ZNF385B: variants seen among roughly 807,000 people sequenced by gnomAD.
ZNF385B encodes the protein zinc finger protein 533.
A neutral mutation model predicts 39.2 loss-of-function variants in ZNF385B; 23 were observed. That is an observed-to-expected ratio of 0.59 (90% CI 0.42 to 0.83). The LOEUF is 0.83. ZNF385B is among the 40% of genes least tolerant of loss of function. The pLI, the probability that ZNF385B is intolerant of heterozygous loss-of-function variation, is 0.00. For missense variants in ZNF385B, 552 were observed against 598.9 expected (o/e 0.92, Z 0.82); for synonymous variants, 205 against 222.6 (o/e 0.92, Z 0.70).
chr2:179,488,656 GTT>G (rs1313528706), intron 5 of ZNF385B, among the ~76,000 whole-genome samples: 1 of 152,090 alleles, frequency 6.6e-6, no homozygotes, highest in Non-Finnish European at 1.5e-5. Context: ...AATTAGAACT[GTT>G]CCCTTAATTA....
At chr2:179,763,483 C>T (rs573081248) in intron 3 of ZNF385B, among the ~76,000 whole-genome samples, 1 of 152,174 alleles carries the variant, frequency 6.6e-6, no homozygotes, top group Non-Finnish European at 1.5e-5. Flanking sequence ...TATTGCTTTC[C>T]TATTTTCAAC....
chr2:179,537,726 G>A (rs2059663505), intron 4 of ZNF385B, among the ~76,000 whole-genome samples: 1 of 149,528 alleles, frequency 6.7e-6, no homozygotes, highest in Non-Finnish European at 1.5e-5. Context: ...AGGTGACAGA[G>A]CAAGACTCTG....
chr2:179,508,998 G>A (rs1410284958), intron 5 of ZNF385B, among the ~76,000 whole-genome samples: 3 of 149,710 alleles, frequency 2.0e-5, no homozygotes, highest in Admixed American at 1.3e-4. Flanking sequence ...TCAGGCTGGA[G>A]TGTAGTGGTG....
At chr2:179,738,294 C>T (rs1472364825) in intron 3 of ZNF385B, among the ~76,000 whole-genome samples, 1 of 152,186 alleles carries the variant, frequency 6.6e-6, no homozygotes, top group African/African-American at 2.4e-5. Flanking sequence ...ATAATCTCTT[C>T]CCCTTGATAA....
chr2:179,857,260 G>C (rs956824709), intron 1 of ZNF385B, among the ~76,000 whole-genome samples: 3 of 152,198 alleles, frequency 2.0e-5, no homozygotes, highest in East Asian at 1.9e-4. Flanking sequence ...CCTATGATAT[G>C]GCAGGCCCTG....
rs1313222824 is a variant in ZNF385B at position 179,663,751 on chromosome 2, ATCTCTCATT to A, written c.298+105743_298+105751del. On this transcript the variant is annotated intron_variant, in intron 3 of 9. Coordinates refer to ENST00000410066, the MANE Select transcript of ZNF385B (RefSeq NM_152520.6). ...AAAAAAAAAAAAATCTCATGAAAGA[ATCTCTCATT>A]ATCATTTAAAAGCAGGAACAGAAGA... Among the ~76,000 whole-genome samples, 5 of 151,400 alleles carry A rather than the reference ATCTCTCATT, an allele frequency of 3.3e-5. No homozygotes were observed. In the South Asian group the frequency reaches 1.0e-3, roughly 31 times the overall value.
At chr2:179,845,534 C>A (rs923967982) in intron 1 of ZNF385B, among the ~76,000 whole-genome samples, 1 of 152,136 alleles carries the variant, frequency 6.6e-6, no homozygotes, top group African/African-American at 2.4e-5. Context: ...AAGTCATCAT[C>A]CAAAGGGCAT....
intron 1 of ZNF385B, among the ~76,000 whole-genome samples, chr2:179,848,324 A>T (rs1708905920): frequency 6.6e-6 from 1 of 152,198 alleles, no homozygotes; most frequent in South Asian, 2.1e-4. Context: ...TAAACCGATC[A>T]TCCCTTTCCA....
At chr2:179,449,122 G>T (rs1470918804) in intron 6 of ZNF385B, among the ~76,000 whole-genome samples, 1 of 152,044 alleles carries the variant, frequency 6.6e-6, no homozygotes, top group Non-Finnish European at 1.5e-5. Context: ...AGTAAATAAA[G>T]TAAGTATGGA....
intron 3 of ZNF385B, among the ~76,000 whole-genome samples, chr2:179,687,616 TATC>T (rs371942321): frequency 7.7e-4 from 118 of 152,302 alleles, no homozygotes; most frequent in African/African-American, 2.6e-3. Flanking sequence ...TAGTATGTAA[TATC>T]ATAAAGCGGG....
intron 4 of ZNF385B, among the ~76,000 whole-genome samples, chr2:179,531,994 T>C (rs760019287): frequency 1.3e-4 from 20 of 152,240 alleles, no homozygotes; most frequent in Non-Finnish European, 2.5e-4. Flanking sequence ...GTACAAAATA[T>C]ACAATAGTTG....
intron 1 of ZNF385B, chr2:179,814,731 T>C (rs1378967959): frequency 4.9e-6 from 1 of 205,330 alleles, no homozygotes; most frequent in Admixed American, 6.0e-5. Context: ...GTAGAAACCT[T>C]TTAAACTATT....
chr2:179,634,993 AT>A (rs1255299727), intron 3 of ZNF385B, among the ~76,000 whole-genome samples: 27 of 140,476 alleles, frequency 1.9e-4, no homozygotes, highest in Non-Finnish European at 2.6e-4. Context: ...AAAAAAAAAA[AT>A]AGCCAGGCGT....
At chr2:179,695,508 C>T (rs372071606) in intron 3 of ZNF385B, among the ~76,000 whole-genome samples, 1 of 151,602 alleles carries the variant, frequency 6.6e-6, no homozygotes, top group African/African-American at 2.4e-5. Context: ...AATAAAAAAA[C>T]CAAAAAGTAC....
Position 179,746,649 on chromosome 2 carries a change from T to A in ZNF385B, c.298+22854A>T, listed in dbSNP as rs551560521. On this transcript the variant is annotated intron_variant, in intron 3 of 9. Transcript: ENST00000410066. ...ACACTATAATCTTTGCTCATTATTT[T>A]AAAAAATCTATAGTTCATTAAACCC... 1.6e-4 allele frequency among the ~76,000 whole-genome samples: 25 copies of A among 152,308 alleles called. No individual in the cohort carries two copies. In the South Asian group the frequency reaches 2.3e-3, roughly 14 times the overall value.
At chr2:179,493,395 GCATACA>G (rs2055466758) in intron 5 of ZNF385B, among the ~76,000 whole-genome samples, 1 of 151,254 alleles carries the variant, frequency 6.6e-6, no homozygotes, top group Non-Finnish European at 1.5e-5. Context: ...ATATATGTAT[GCATACA>G]TATATGTACA....
intron 4 of ZNF385B, among the ~76,000 whole-genome samples, chr2:179,525,790 A>G (rs1559406514): frequency 6.6e-6 from 1 of 152,192 alleles, no homozygotes; most frequent in Non-Finnish European, 1.5e-5. Context: ...ATGAAAGAAC[A>G]TGTTTAAGTG....
intron 3 of ZNF385B, among the ~76,000 whole-genome samples, chr2:179,597,624 A>G (rs181198746): frequency 1.7e-3 from 256 of 152,306 alleles, no homozygotes; most frequent in African/African-American, 5.4e-3. Context: ...ATACGCACAG[A>G]TATCTTTGTG....
intron 3 of ZNF385B, among the ~76,000 whole-genome samples, chr2:179,731,969 C>T (rs1347954259): frequency 6.6e-6 from 1 of 152,160 alleles, no homozygotes; most frequent in Non-Finnish European, 1.5e-5. Flanking sequence ...GAACAGACCA[C>T]CATTTGGCAC....
Sources: allele counts gnomAD v4.1 joint callset (sites outside exome capture counted in the v4.1 genomes callset), GRCh38; gene constraint gnomAD v4.1.1; transcripts MANE v1.5; gene names NCBI Gene and HGNC (gene_info 2026-07-23, HGNC 2026-07-21).